Variants in TSC1 observed in about 807,000 individuals in gnomAD.
The protein encoded by TSC1 is hamartin.
Under a neutral mutation model 124.3 loss-of-function variants are expected in TSC1, and 20 were observed. That is an observed-to-expected ratio of 0.16 (90% CI 0.11 to 0.23). The LOEUF (loss-of-function observed/expected upper bound fraction) is 0.23. Among genes scored for constraint, TSC1 ranks in the 10% least tolerant of loss-of-function variants. TSC1 has a pLI of 1.00. For missense variants in TSC1, 1,124 were observed against 1,448.5 expected (o/e 0.78, Z 3.64); for synonymous variants, 493 against 539.1 (o/e 0.91, Z 1.19).
intron 3 of TSC1, among the ~76,000 whole-genome samples, chr9:132,927,676 G>A (rs1846957438): frequency 6.6e-6 from 1 of 151,910 alleles, no homozygotes; most frequent in African/African-American, 2.4e-5. Flanking sequence ...ACAGGCACCT[G>A]CCACCACGCC....
Position 132,904,396 on chromosome 9 carries a change from A to G in TSC1, c.2041+15T>C. On this transcript the variant is annotated intron_variant, in intron 16 of 22. Coordinates refer to ENST00000298552, the MANE Select transcript of TSC1 (RefSeq NM_000368.5). Reference sequence around the variant, plus strand: ...ACCATGTGGGCTGGATTTGGAGCTAAAGTAACAACTTTACCTCCAAAGTGG... The same window carrying G: ...ACCATGTGGGCTGGATTTGGAGCTAGAGTAACAACTTTACCTCCAAAGTGG... 6.2e-7 allele frequency: 1 copy of G among 1,613,884 alleles called. No individual in the cohort carries two copies.
rs769706203 is a variant in TSC1 at position 132,912,343 on chromosome 9, G to A, written c.852C>T (p.Arg284=). 1 of 1,614,218 alleles carries A rather than the reference G, an allele frequency of 6.2e-7. No homozygotes were observed. The highest frequency in any genetic ancestry group is 1.7e-5 in the Admixed American group (1 of 60,024). The change falls in exon 9 of 23, where the codon CGC becomes CGT. Residue 284 remains arginine (R), a synonymous_variant. Coordinates refer to ENST00000298552, the MANE Select transcript of TSC1 (RefSeq NM_000368.5). Reference sequence around the variant, plus strand: ...TGACATCGGCTGAACGATGAGGAAAGCGGGCTGAGATTTGGTGAGACACAG... The same window carrying A: ...TGACATCGGCTGAACGATGAGGAAAACGGGCTGAGATTTGGTGAGACACAG... ...GYSVSHQISA[R]FPHRSADVTT...
intron 20 of TSC1, chr9:132,900,234 G>C (rs547005617): frequency 1.1e-5 from 2 of 176,478 alleles, no homozygotes; most frequent in African/African-American, 4.8e-5. Context: ...CTTCTGCCTC[G>C]ACACCACTGG....
chr9:132,932,275 T>C lies in TSC1; in HGVS notation c.-81+2758A>G, dbSNP rs960178804. Among the ~76,000 whole-genome samples the C allele has an allele frequency of 5.3e-5, 8 of 152,318 alleles. No homozygotes were observed. In the East Asian group the frequency reaches 1.5e-3, roughly 29 times the overall value. ...ATCCATCACTCTGCCATCTTCTGGA[T>C]CTCAGTAAAAGGCACTACCATCAGT... On this transcript the variant is annotated intron_variant, in intron 2 of 22. Coordinates refer to ENST00000298552, the MANE Select transcript of TSC1 (RefSeq NM_000368.5).
chr9:132,932,774 A>G (rs1235914461), intron 2 of TSC1, among the ~76,000 whole-genome samples: 1 of 151,776 alleles, frequency 6.6e-6, no homozygotes, highest in Non-Finnish European at 1.5e-5. Context: ...TGCATGAAAC[A>G]CTCTTCTCCC....
chr9:132,912,228 A>G, intron 9 of TSC1, 54 bp downstream of exon 9: 1 of 1,601,448 alleles, frequency 6.2e-7, no homozygotes, highest in Non-Finnish European at 8.6e-7. Flanking sequence ...AAGACAAATA[A>G]TGTTTTCCAG....
At chr9:132,913,391 T>A (rs1486632362) in intron 8 of TSC1, among the ~76,000 whole-genome samples, 1 of 152,212 alleles carries the variant, frequency 6.6e-6, no homozygotes, top group Admixed American at 6.5e-5. Context: ...GTGAGTCTCT[T>A]CCCCCACTTC....
At position 132,892,043 on chromosome 9, in the gene TSC1, G is replaced by A. The variant is rs1844796840; in HGVS notation, c.*4192C>T. 1 of 233,056 alleles carries A rather than the reference G, an allele frequency of 4.3e-6. No individual in the cohort carries two copies. The highest frequency in any genetic ancestry group is 8.5e-6 in the Non-Finnish European group (1 of 117,982). 14.4% of individuals were successfully genotyped at this position (233,056 alleles called of 1,614,324 possible). On this transcript the variant is annotated 3_prime_UTR_variant, in exon 23 of 23. Transcript: ENST00000298552. Reference sequence around the variant, plus strand: ...AACTCGTTTCATGACCAGAAGCCATGGGCACAGGTGCTCGGCTCTTCCAGG... The same window carrying A: ...AACTCGTTTCATGACCAGAAGCCATAGGCACAGGTGCTCGGCTCTTCCAGG...
chr9:132,923,303 G>A lies in TSC1; in HGVS notation c.508+45C>T, dbSNP rs1846665081. 1 of 1,607,350 alleles carries A rather than the reference G, an allele frequency of 6.2e-7. No individual in the cohort carries two copies. Among genetic ancestry groups the A allele is most frequent in the South Asian group, 1.1e-5 (1 of 90,586 alleles). On this transcript the variant is annotated intron_variant, in intron 6 of 22. Transcript: ENST00000298552. This position sits in a 1 kb window ranked among gnomAD's most constrained non-coding sequence, Gnocchi z 4.2. ...TATGAGCAATTAATCAATAATGAAA[G>A]CATTCACCTCACAGGGCCCAACAGG...
rs2131702325 is a variant in TSC1 at position 132,901,581 on chromosome 9, C to T, written c.2502+8G>A. ...CAGCAGATTCAGGTCTGCCTCATTT[C>T]TTCTTACCTTTTGGGAAACCTGACT... is the stretch of plus-strand genomic sequence containing the variant. On this transcript the variant is annotated splice_region_variant and intron_variant, in intron 19 of 22. Coordinates refer to ENST00000298552, the MANE Select transcript of TSC1 (RefSeq NM_000368.5). The T allele has an allele frequency of 6.2e-7, 1 of 1,612,642 alleles. No individual in the cohort carries two copies. Among genetic ancestry groups the T allele is most frequent in the Non-Finnish European group, 8.5e-7 (1 of 1,179,022 alleles).
intron 12 of TSC1, among the ~76,000 whole-genome samples, chr9:132,909,194 G>A (rs901189215): frequency 3.3e-5 from 5 of 152,074 alleles, no homozygotes; most frequent in South Asian, 4.1e-4. Flanking sequence ...AAGCCACTGC[G>A]CCCAGCCTGC....
chr9:132,910,197 A>AGGCT, intron 12 of TSC1: 1 of 452,988 alleles, frequency 2.2e-6, no homozygotes. Flanking sequence ...GCTACTAGCG[A>AGGCT]GGCTGATGCA....
At chr9:132,937,011 TG>T in intron 1 of TSC1, among the ~76,000 whole-genome samples, 1 of 152,358 alleles carries the variant, frequency 6.6e-6, no homozygotes, top group South Asian at 2.1e-4. Context: ...TAAACTCCAC[TG>T]GTCTCTTCAG....
At chr9:132,934,839 C>T (rs541495142) in intron 2 of TSC1, among the ~76,000 whole-genome samples, 194 bp downstream of exon 2, 70 of 152,360 alleles carry the variant, frequency 4.6e-4, no homozygotes, top group Non-Finnish European at 7.3e-4. Context: ...GCATATAATG[C>T]GCTTTGCACA....
At chr9:132,924,786 C>G (rs938742016) in intron 5 of TSC1, 6 of 152,136 alleles carry the variant, frequency 3.9e-5, no homozygotes, top group African/African-American at 1.2e-4. Context: ...TTTTATAATA[C>G]CCTGCCAATG....
At chr9:132,915,509 T>C (rs1261020622) in intron 8 of TSC1, among the ~76,000 whole-genome samples, 1 of 152,182 alleles carries the variant, frequency 6.6e-6, no homozygotes, top group Non-Finnish European at 1.5e-5. Context: ...TACCAAACAT[T>C]CTATAAAGGC....
At chr9:132,913,641 A>G (rs1035609756) in intron 8 of TSC1, among the ~76,000 whole-genome samples, 59 of 152,026 alleles carry the variant, frequency 3.9e-4, no homozygotes, top group Admixed American at 3.6e-3. Flanking sequence ...CCTGGCTAAC[A>G]TGGTGAACCC....
chr9:132,912,941 C>CTTTTTTTTTTTTT (rs574327483), intron 8 of TSC1: 1 of 154,868 alleles, frequency 6.5e-6, no homozygotes. Flanking sequence ...GAATTTTTTT[C>CTTTTTTTTTTTTT]TTTTTTTTTT....
Position 132,903,280 on chromosome 9 carries a change from C to T in TSC1, c.2208+371G>A, listed in dbSNP as rs1845477361. 6.6e-6 allele frequency among the ~76,000 whole-genome samples: 1 copy of T among 152,190 alleles called. No individual in the cohort carries two copies. Among genetic ancestry groups the T allele is most frequent in the Admixed American group, 6.5e-5 (1 of 15,274 alleles). ...CTTTTCTAAGGTAACACTGGTAGAG[C>T]CAAGATTCAAACTCCAGGCCTGACT... On this transcript the variant is annotated intron_variant, in intron 17 of 22. Coordinates refer to ENST00000298552, the MANE Select transcript of TSC1 (RefSeq NM_000368.5). This position sits in a 1 kb window ranked among gnomAD's most constrained non-coding sequence, Gnocchi z 5.9.
Sources: allele counts gnomAD v4.1 joint callset (sites outside exome capture counted in the v4.1 genomes callset), GRCh38; gene constraint gnomAD v4.1.1; non-coding constraint Gnocchi (gnomAD v3.1); transcripts MANE v1.5; gene names NCBI Gene and HGNC (gene_info 2026-07-23, HGNC 2026-07-21).